Variants in CTDP1 observed in about 807,000 individuals in gnomAD.
CTDP1 encodes the protein RNA polymerase II subunit A C-terminal domain phosphatase.
CTDP1 carries 47 observed loss-of-function variants against 91.8 expected under a neutral mutation model. The observed-to-expected ratio is 0.51, with a 90% CI of 0.41 to 0.65. The LOEUF (loss-of-function observed/expected upper bound fraction) is 0.65. Ranked by LOEUF, CTDP1 falls within the 30% of genes least tolerant of loss-of-function variation. The pLI, the probability that CTDP1 is intolerant of heterozygous loss-of-function variation, is 0.00. For missense variants in CTDP1, 1,272 were observed against 1,373.7 expected (o/e 0.93, Z 1.17); for synonymous variants, 656 against 598.5 (o/e 1.10, Z -1.40).
chr18:79,681,148 T>C (rs1568167713), intron 1 of CTDP1, among the ~76,000 whole-genome samples: 1 of 152,210 alleles, frequency 6.6e-6, no homozygotes, highest in South Asian at 2.1e-4. Context: ...GACCCTGTGT[T>C]TGTTGAGGAT....
At chr18:79,729,938 G>A (rs577989714) in intron 11 of CTDP1, among the ~76,000 whole-genome samples, 19 of 152,322 alleles carry the variant, frequency 1.2e-4, no homozygotes, top group Non-Finnish European at 1.3e-4. Context: ...GCCTGGCACC[G>A]CTGTCCTCTG....
Position 79,717,564 on chromosome 18 carries a change from T to G in CTDP1, c.2098T>G (p.Cys700Gly), listed in dbSNP as rs1467840306. ...AGAGAAGGTGCTGCAGGCACAGGAG[T>G]GCGGACACCTGCACGTGGTCAACCC... ...GTEKVLQAQE[C>G]GHLHVVNPDW... The change falls in exon 9 of 13, where the codon TGC becomes GGC. Residue 700 changes from cysteine (C) to glycine (G), a missense_variant. This residue lies in a region of CTDP1 where 881 missense variants were observed against 911.6 expected (regional missense o/e 0.97). Coordinates refer to ENST00000613122, the MANE Select transcript of CTDP1 (RefSeq NM_004715.5). 1 of 1,613,462 alleles carries G rather than the reference T, an allele frequency of 6.2e-7. No individual in the cohort carries two copies. The highest frequency in any genetic ancestry group is 1.1e-5 in the South Asian group (1 of 91,072).
Position 79,714,482 on chromosome 18 carries a change from C to T in CTDP1, c.1031-9C>T, listed in dbSNP as rs865982293. 1.9e-6 allele frequency: 3 copies of T among 1,612,896 alleles called. No homozygotes were observed. Among genetic ancestry groups the T allele is most frequent in the Non-Finnish European group, 2.5e-6 (3 of 1,179,840 alleles). The stretch of plus-strand genomic sequence containing the variant: ...TTGCGGTAACTTTTCCTTTTGCATG[C>T]ATATTTAGTAAATCATTCTCGAGGC... On this transcript the variant is annotated splice_polypyrimidine_tract_variant and intron_variant, in intron 7 of 12. Coordinates refer to ENST00000613122, the MANE Select transcript of CTDP1 (RefSeq NM_004715.5).
intron 3 of CTDP1, among the ~76,000 whole-genome samples, chr18:79,696,607 GTGGGCACA>G (rs1293088107): frequency 1.2e-4 from 19 of 152,212 alleles, no homozygotes; most frequent in African/African-American, 4.6e-4. Context: ...GCTCGGGAGA[GTGGGCACA>G]TGCAGGGGCG....
chr18:79,751,006 TG>T (rs1203053900), intron 12 of CTDP1, among the ~76,000 whole-genome samples: 2 of 49,104 alleles, frequency 4.1e-5, no homozygotes, highest in Non-Finnish European at 8.5e-5. Flanking sequence ...GAGGACAGGC[TG>T]GGGAAGGAGG....
At chr18:79,745,370 T>C (rs1356988267) in intron 12 of CTDP1, among the ~76,000 whole-genome samples, 1 of 59,056 alleles carries the variant, frequency 1.7e-5, no homozygotes, top group Non-Finnish European at 3.1e-5. Flanking sequence ...GCGCGTTCTG[T>C]GCCCGCGTCC....
chr18:79,705,016 C>T lies in CTDP1; in HGVS notation c.772+99C>T, dbSNP rs2085939132. On this transcript the variant is annotated intron_variant, in intron 5 of 12. Coordinates refer to ENST00000613122, the MANE Select transcript of CTDP1 (RefSeq NM_004715.5). The stretch of plus-strand genomic sequence containing the variant: ...AGATGAAGAAAGAAAAGAAGCTCTC[C>T]TGCAACTCAGTTGTAGTCTTAGGGT... 3.9e-6 allele frequency: 6 copies of T among 1,557,184 alleles called. No homozygotes were observed. The South Asian group carries it at 6.8e-5, about 18-fold the overall frequency.
At chr18:79,746,723 C>T (rs942839512) in intron 12 of CTDP1, among the ~76,000 whole-genome samples, 12 of 152,178 alleles carry the variant, frequency 7.9e-5, no homozygotes, top group African/African-American at 2.7e-4. Flanking sequence ...CTCAAGGGAT[C>T]GTCCCGCCTC....
intron 12 of CTDP1, among the ~76,000 whole-genome samples, chr18:79,740,443 T>C (rs548960900): frequency 6.6e-6 from 1 of 152,362 alleles, no homozygotes; most frequent in Admixed American, 6.5e-5. Context: ...GTTTATGGGG[T>C]ATTCAGTGAG....
At chr18:79,729,156 G>A in intron 11 of CTDP1, 87 bp downstream of exon 11, 4 of 1,550,058 alleles carry the variant, frequency 2.6e-6, no homozygotes, top group Non-Finnish European at 3.5e-6. Context: ...GCTGAGCTGT[G>A]CACCTGGAGG....
intron 10 of CTDP1, among the ~76,000 whole-genome samples, chr18:79,728,000 A>G (rs1245597234): frequency 6.6e-6 from 1 of 152,248 alleles, no homozygotes; most frequent in African/African-American, 2.4e-5. Context: ...CGGTTTGAAC[A>G]TAGCAGAAAG....
At position 79,748,161 on chromosome 18, in the gene CTDP1, C is replaced by G. The variant is rs543786156; in HGVS notation, c.2748-5491C>G. Reference sequence around the variant, plus strand: ...GAGGAAGTGAAGCTAGTATCAGTTGCGGACATTTACTAACCATAGTCTGCA... The same window carrying G: ...GAGGAAGTGAAGCTAGTATCAGTTGGGGACATTTACTAACCATAGTCTGCA... On this transcript the variant is annotated intron_variant, in intron 12 of 12. Coordinates refer to ENST00000613122, the MANE Select transcript of CTDP1 (RefSeq NM_004715.5). Among the ~76,000 whole-genome samples the G allele has an allele frequency of 2.3e-4, 35 of 152,266 alleles. No homozygotes were observed. In the East Asian group the frequency reaches 6.5e-3, roughly 28 times the overall value.
chr18:79,699,536 T>G (rs2085815330), intron 4 of CTDP1, among the ~76,000 whole-genome samples: 1 of 152,096 alleles, frequency 6.6e-6, no homozygotes, highest in Non-Finnish European at 1.5e-5. Context: ...GTGCTGGGAT[T>G]ACAGGCATGA....
At position 79,713,509 on chromosome 18, in the gene CTDP1, A is replaced by G. The variant is rs1309932195; in HGVS notation, c.1030+371A>G. 6.6e-6 allele frequency among the ~76,000 whole-genome samples: 1 copy of G among 152,188 alleles called. No individual in the cohort carries two copies. Among genetic ancestry groups the G allele is most frequent in the Non-Finnish European group, 1.5e-5 (1 of 68,040 alleles). ...TGTGGGGGCGGTGGCTCTGCGGGGA[A>G]TAACCGTTCCCCATGCGCAGTGGTC... On this transcript the variant is annotated intron_variant, in intron 7 of 12. Transcript: ENST00000613122. This position sits in a 1 kb window ranked among gnomAD's most constrained non-coding sequence, Gnocchi z 4.7.
intron 1 of CTDP1, among the ~76,000 whole-genome samples, chr18:79,684,967 T>C (rs2460389): frequency 0.05 from 2,355 of 46,838 alleles, 3 homozygotes; most frequent in Middle Eastern, 0.071. Context: ...CCGGTTTCTC[T>C]GCGGTGCTCC....
In CTDP1 at chr18:79,685,149, G is replaced by A. The variant is rs112546796; in HGVS notation, c.314+4888G>A. Reference sequence around the variant, plus strand: ...AGAGCCTCTGTCCTTGGTTCTCTGCGTGCTGCTCTCTGTAGACCAGGTTTC... The same window carrying A: ...AGAGCCTCTGTCCTTGGTTCTCTGCATGCTGCTCTCTGTAGACCAGGTTTC... On this transcript the variant is annotated intron_variant, in intron 1 of 12. Coordinates refer to ENST00000613122, the MANE Select transcript of CTDP1 (RefSeq NM_004715.5). Among the ~76,000 whole-genome samples the A allele has an allele frequency of 2.7e-3, 417 of 152,236 alleles. 1 individual carries two copies. The highest frequency in any genetic ancestry group is 9.4e-3 in the African/African-American group (392 of 41,534).
rs778512968 is a variant in CTDP1 at position 79,717,719 on chromosome 18, CTTGCTGGACAGCTG to C, written c.2210+47_2210+60del. 350 of 1,613,928 alleles carry C rather than the reference CTTGCTGGACAGCTG, an allele frequency of 2.2e-4. 4 individuals carry two copies. The Middle Eastern group carries it at 3.1e-3, about 14-fold the overall frequency. The stretch of plus-strand genomic sequence containing the variant: ...CCAGCAGGTCCGTGCCAGGCGTTCC[CTTGCTGGACAGCTG>C]TTGGTTCATGCACCTGGGCAGTGCC... On this transcript the variant is annotated intron_variant, in intron 9 of 12. Coordinates refer to ENST00000613122, the MANE Select transcript of CTDP1 (RefSeq NM_004715.5).
chr18:79,756,514 C>T (rs1476247592), downstream of CTDP1: 6 of 152,212 alleles, frequency 3.9e-5, no homozygotes, highest in Non-Finnish European at 7.3e-5. Flanking sequence ...CTGTGATTAA[C>T]GTTTATGAAA....
rs1019089147 is a variant in CTDP1 at position 79,714,760 on chromosome 18, C to T, written c.1300C>T (p.Arg434Trp). The T allele has an allele frequency of 1.2e-5, 20 of 1,600,876 alleles. No homozygotes were observed. The highest frequency in any genetic ancestry group is 2.3e-5 in the East Asian group (1 of 44,418). The change falls in exon 8 of 13, where the codon CGG becomes TGG. Residue 434 changes from arginine (R) to tryptophan (W), a missense_variant. Physicochemically the swap from Arg to Trp is moderately radical, Grantham distance 101. Around this residue, in one of 3 missense-constraint regions of CTDP1, gnomAD observed 881 missense variants for 911.6 expected, o/e 0.97. Transcript: ENST00000613122. ...CCAGGGATCCTGTGCGCAGGGTGGCCGGGTGGCACCGGGACAGCGGCCTGC... is the reference window on the plus strand; with the variant it reads ...CCAGGGATCCTGTGCGCAGGGTGGCTGGGTGGCACCGGGACAGCGGCCTGC... ...EPQGSCAQGG[R>W]VAPGQRPAQG...
Sources: gnomAD v4.1 joint callset for allele counts (sites outside exome capture counted in the v4.1 genomes callset) on GRCh38, gnomAD v4.1.1 for gene constraint, gnomAD v4.1.1 regional missense constraint, Gnocchi (gnomAD v3.1) non-coding constraint, MANE v1.5 for transcripts, NCBI Gene and HGNC (gene_info 2026-07-23, HGNC 2026-07-21) for gene names.